BARX2: variants seen among roughly 807,000 people sequenced by gnomAD.
BARX2 encodes the protein homeobox protein BarH-like 2.
In BARX2, 11 loss-of-function variants were observed where a neutral mutation model predicts 25.5. The ratio of observed to expected loss-of-function variants is 0.43; its 90% CI spans 0.27 to 0.71. The LOEUF (loss-of-function observed/expected upper bound fraction) is 0.71. BARX2 is among the 30% of genes least tolerant of loss of function. The pLI is 0.19. For missense variants in BARX2, 360 were observed against 359.9 expected (o/e 1.00, Z 0.00); for synonymous variants, 137 against 149.5 (o/e 0.92, Z 0.61).
chr11:129,403,490 G>A (rs1011600426), intron 1 of BARX2, among the ~76,000 whole-genome samples: 2 of 152,180 alleles, frequency 1.3e-5, no homozygotes, highest in African/African-American at 4.8e-5. Context: ...GTCCCCACTC[G>A]GCACTCTGGG....
Position 129,390,064 on chromosome 11 carries a change from T to C in BARX2, c.187+13842T>C, listed in dbSNP as rs545024269. Among the ~76,000 whole-genome samples, 2 of 152,328 alleles carry C rather than the reference T, an allele frequency of 1.3e-5. No homozygotes were observed. The highest frequency in any genetic ancestry group is 6.5e-5 in the Admixed American group (1 of 15,302). On this transcript the variant is annotated intron_variant, in intron 1 of 3. Transcript: ENST00000281437. The surrounding 1 kb of genome is among the most constrained non-coding windows in gnomAD (Gnocchi z 4.3). ...AGCTGGTCACTAGTGTCTTATGAAG[T>C]TTAGTATCTGCTGGTGAAATACTTT...
intron 1 of BARX2, among the ~76,000 whole-genome samples, chr11:129,378,563 CTTTTTT>C (rs56804728): frequency 1.6e-4 from 18 of 111,204 alleles, no homozygotes; most frequent in Non-Finnish European, 2.3e-4. Context: ...TTTTCTTTTT[CTTTTTT>C]TTTTTTTTTT....
chr11:129,408,020 CAAAAAAAA>C (rs59310534), intron 1 of BARX2, among the ~76,000 whole-genome samples: 2 of 46,490 alleles, frequency 4.3e-5, no homozygotes, highest in Non-Finnish European at 8.0e-5. Flanking sequence ...GACTCCGTCT[CAAAAAAAA>C]AAAAAAAAAA....
chr11:129,446,558 CATT>C (rs1447980254), intron 3 of BARX2, among the ~76,000 whole-genome samples: 1 of 152,136 alleles, frequency 6.6e-6, no homozygotes, highest in Non-Finnish European at 1.5e-5. Context: ...TTATTATTAT[CATT>C]ATTAGTATTT....
intron 1 of BARX2, among the ~76,000 whole-genome samples, chr11:129,397,621 C>A (rs1460157576): frequency 6.6e-6 from 1 of 152,164 alleles, no homozygotes; most frequent in Non-Finnish European, 1.5e-5. Flanking sequence ...ACGCACCAGG[C>A]GCTATGTGAA....
intron 1 of BARX2, among the ~76,000 whole-genome samples, chr11:129,433,396 T>C (rs1862150565): frequency 6.6e-6 from 1 of 152,218 alleles, no homozygotes; most frequent in African/African-American, 2.4e-5. Flanking sequence ...TCCTTAGGGA[T>C]CATTTAAGAC....
At chr11:129,389,747 C>A (rs919869002) in intron 1 of BARX2, among the ~76,000 whole-genome samples, 1 of 142,932 alleles carries the variant, frequency 7.0e-6, no homozygotes, top group Non-Finnish European at 1.5e-5. Flanking sequence ...TGAAACTATT[C>A]TTTTTTTCTT....
intron 1 of BARX2, among the ~76,000 whole-genome samples, chr11:129,404,253 G>A (rs1193332388): frequency 1.3e-5 from 2 of 152,320 alleles, no homozygotes; most frequent in South Asian, 2.1e-4. Flanking sequence ...AGAGGGCAGC[G>A]AGGGAGGCTG....
intron 3 of BARX2, among the ~76,000 whole-genome samples, chr11:129,443,149 G>T (rs550030126): frequency 2.0e-5 from 3 of 151,880 alleles, no homozygotes; most frequent in Admixed American, 2.0e-4. Flanking sequence ...GAAATCAAAG[G>T]AAAAAAAGCT....
intron 3 of BARX2, among the ~76,000 whole-genome samples, chr11:129,450,109 G>C (rs1230977809): frequency 6.6e-6 from 1 of 152,070 alleles, no homozygotes; most frequent in East Asian, 1.9e-4. Flanking sequence ...GGACACTCAG[G>C]GCCTTTAAAG....
chr11:129,404,680 A>G (rs1861812341), intron 1 of BARX2, among the ~76,000 whole-genome samples: 1 of 152,162 alleles, frequency 6.6e-6, no homozygotes, highest in South Asian at 2.1e-4. Context: ...CCTTGCTGTT[A>G]TTTCATGTTT....
chr11:129,408,737 C>T (rs756627144), intron 1 of BARX2, among the ~76,000 whole-genome samples: 22 of 152,188 alleles, frequency 1.4e-4, no homozygotes, highest in Non-Finnish European at 2.6e-4. Flanking sequence ...TTATTCCTTT[C>T]ATGGTACAGT....
intron 1 of BARX2, among the ~76,000 whole-genome samples, chr11:129,424,344 C>T (rs1250968600): frequency 2.0e-5 from 3 of 152,180 alleles, no homozygotes; most frequent in Non-Finnish European, 2.9e-5. Context: ...AACATTCCCA[C>T]GTTGCAGACA....
chr11:129,438,061 A>G (rs1862213594), intron 2 of BARX2: 1 of 151,626 alleles, frequency 6.6e-6, no homozygotes, highest in Admixed American at 6.6e-5. Context: ...GTGTTGGCTC[A>G]CGCCTGTAAT....
At chr11:129,426,507 G>A (rs1862064911) in intron 1 of BARX2, among the ~76,000 whole-genome samples, 4 of 151,998 alleles carry the variant, frequency 2.6e-5, no homozygotes, top group Admixed American at 2.6e-4. Context: ...CAAGTAGCTG[G>A]GATTACAGGT....
intron 1 of BARX2, among the ~76,000 whole-genome samples, chr11:129,382,462 A>G (rs1861576147): frequency 6.6e-6 from 1 of 152,162 alleles, no homozygotes; most frequent in Non-Finnish European, 1.5e-5. Flanking sequence ...TACAGGCGTG[A>G]GCCACTGCAC....
chr11:129,422,109 G>T (rs941795874), intron 1 of BARX2, among the ~76,000 whole-genome samples: 1 of 151,980 alleles, frequency 6.6e-6, no homozygotes, highest in Non-Finnish European at 1.5e-5. Flanking sequence ...CGATTGCCTG[G>T]CTTCAAATGA....
At chr11:129,433,941 G>A (rs948853071) in intron 1 of BARX2, among the ~76,000 whole-genome samples, 3 of 152,162 alleles carry the variant, frequency 2.0e-5, no homozygotes, top group Admixed American at 6.5e-5. Context: ...CTTCCAGAGC[G>A]GAGTGTAGCC....
intron 1 of BARX2, among the ~76,000 whole-genome samples, chr11:129,392,099 T>C (rs1435668530): frequency 6.6e-6 from 1 of 152,224 alleles, no homozygotes; most frequent in African/African-American, 2.4e-5. Flanking sequence ...TATGTGCCTT[T>C]GGAATTTTCA....
Sources: allele counts gnomAD v4.1 joint callset (sites outside exome capture counted in the v4.1 genomes callset), GRCh38; gene constraint gnomAD v4.1.1; non-coding constraint Gnocchi (gnomAD v3.1); transcripts MANE v1.5; gene names NCBI Gene and HGNC (gene_info 2026-07-23, HGNC 2026-07-21).